PKNOX2: variants seen among roughly 807,000 people sequenced by gnomAD.
The protein encoded by PKNOX2 is homeobox protein PKNOX2.
A neutral mutation model predicts 53.1 loss-of-function variants in PKNOX2; 14 were observed. That is an observed-to-expected ratio of 0.26 (90% CI 0.17 to 0.41). The LOEUF (loss-of-function observed/expected upper bound fraction) is 0.41, where lower values mean the gene tolerates loss of function less well. Among genes scored for constraint, PKNOX2 ranks in the 10% least tolerant of loss-of-function variants. The pLI is 1.00. For missense variants in PKNOX2, 496 were observed against 602.8 expected, an observed-to-expected ratio of 0.82 and a Z score of 1.85; for synonymous variants, 257 against 242.8, an observed-to-expected ratio of 1.06 and a Z score of -0.54.
At chr11:125,356,373 TC>T (rs1240640254) in intron 4 of PKNOX2, among the ~76,000 whole-genome samples, 7 of 152,198 alleles carry the variant, frequency 4.6e-5, no homozygotes, top group Non-Finnish European at 1.0e-4. Context: ...TTTGGGAAGT[TC>T]ACCAAGGATG....
At chr11:125,429,847 TG>T in intron 11 of PKNOX2, 115 bp from the exon 12 acceptor site, 1 of 1,230,592 alleles carries the variant, frequency 8.1e-7, no homozygotes, top group Non-Finnish European at 1.1e-6. Context: ...ACATCCGGGA[TG>T]GGAACCCCGG....
chr11:125,385,503 G>T, intron 5 of PKNOX2, 48 bp from the exon 6 acceptor site: 1 of 1,533,750 alleles, frequency 6.5e-7, no homozygotes, highest in Non-Finnish European at 8.7e-7. Flanking sequence ...ACAGGTAGCA[G>T]CACGGTCTCT....
intron 1 of PKNOX2, among the ~76,000 whole-genome samples, chr11:125,220,693 G>T (rs1455194216): frequency 6.6e-6 from 1 of 152,178 alleles, no homozygotes; most frequent in African/African-American, 2.4e-5. Context: ...ATCCGGCCTT[G>T]TTCTATTTCT....
intron 6 of PKNOX2, among the ~76,000 whole-genome samples, chr11:125,393,695 G>T (rs910346708): frequency 4.6e-5 from 7 of 152,138 alleles, no homozygotes; most frequent in African/African-American, 1.7e-4. Context: ...TGGACCCCGG[G>T]GGGCTGTGCC....
At chr11:125,171,419 C>T (rs1955313829) in intron 1 of PKNOX2, among the ~76,000 whole-genome samples, 1 of 152,194 alleles carries the variant, frequency 6.6e-6, no homozygotes, top group Non-Finnish European at 1.5e-5. Context: ...TATTTAGCAT[C>T]AGGCAAAACT....
At chr11:125,261,635 A>C (rs1214711280) in intron 2 of PKNOX2, among the ~76,000 whole-genome samples, 1 of 152,168 alleles carries the variant, frequency 6.6e-6, no homozygotes, top group Non-Finnish European at 1.5e-5. Context: ...ATTGGCCAGA[A>C]GCAGGAGCAC....
chr11:125,239,695 C>T (rs893753613), intron 2 of PKNOX2: 2 of 152,234 alleles, frequency 1.3e-5, no homozygotes, highest in African/African-American at 2.4e-5. Flanking sequence ...CCACCCCGCT[C>T]GACCAGATCT....
At chr11:125,266,692 C>T (rs1945370427) in intron 2 of PKNOX2, 1 of 152,220 alleles carries the variant, frequency 6.6e-6, no homozygotes, top group South Asian at 2.1e-4. Context: ...CCATGTCCCT[C>T]TCACTCTGCG....
At chr11:125,428,941 T>C (rs1253303825) in intron 10 of PKNOX2, 71 bp from the exon 11 acceptor site, 1 of 1,497,794 alleles carries the variant, frequency 6.7e-7, no homozygotes, top group Non-Finnish European at 9.3e-7. Flanking sequence ...GCCCATGGCG[T>C]GGGCACAGTC....
At chr11:125,168,235 T>G (rs573703616) in intron 1 of PKNOX2, among the ~76,000 whole-genome samples, 1 of 152,348 alleles carries the variant, frequency 6.6e-6, no homozygotes, top group Admixed American at 6.5e-5. Context: ...CTTTTTGCTT[T>G]TTCAATCTGT....
chr11:125,267,614 C>G (rs528147664), intron 2 of PKNOX2, among the ~76,000 whole-genome samples: 2 of 152,332 alleles, frequency 1.3e-5, no homozygotes, highest in African/African-American at 4.8e-5. Flanking sequence ...AACAAACAAC[C>G]CCAAACATCT....
chr11:125,317,241 A>G (rs541429446), intron 2 of PKNOX2, among the ~76,000 whole-genome samples: 1 of 152,318 alleles, frequency 6.6e-6, no homozygotes, highest in African/African-American at 2.4e-5. Context: ...TGAACCCCTC[A>G]AAGTCATCTA....
chr11:125,303,932 T>C (rs1044502891), intron 2 of PKNOX2, among the ~76,000 whole-genome samples: 1 of 152,176 alleles, frequency 6.6e-6, no homozygotes, highest in Admixed American at 6.5e-5. Flanking sequence ...CTTCTCGGCT[T>C]CCCCCAGCTA....
At chr11:125,226,351 C>T (rs1941691815) in intron 1 of PKNOX2, among the ~76,000 whole-genome samples, 1 of 152,080 alleles carries the variant, frequency 6.6e-6, no homozygotes, top group Admixed American at 6.6e-5. Context: ...ATCTGTAAAC[C>T]TCTCCCCGGA....
intron 1 of PKNOX2, among the ~76,000 whole-genome samples, chr11:125,174,081 A>T (rs1299156272): frequency 6.6e-6 from 1 of 151,894 alleles, no homozygotes; most frequent in Non-Finnish European, 1.5e-5. Flanking sequence ...ATGTGATGTG[A>T]CCCCTCCTTC....
intron 3 of PKNOX2, among the ~76,000 whole-genome samples, chr11:125,346,546 T>A (rs1192928479): frequency 2.0e-5 from 3 of 152,218 alleles, no homozygotes; most frequent in African/African-American, 7.2e-5. Context: ...AACTGAGAAC[T>A]GAGGGGTGGC....
chr11:125,258,554 T>C (rs1159224794), intron 2 of PKNOX2: 1 of 153,882 alleles, frequency 6.5e-6, no homozygotes, highest in African/African-American at 2.4e-5. Flanking sequence ...TGCATTTTTT[T>C]CCCACTTATA....
At chr11:125,360,261 G>C (rs769848942) in intron 4 of PKNOX2, among the ~76,000 whole-genome samples, 1 of 152,044 alleles carries the variant, frequency 6.6e-6, no homozygotes, top group Non-Finnish European at 1.5e-5. Flanking sequence ...GGGTTTAATA[G>C]TCATAACAAG....
chr11:125,175,700 G>T (rs1162635471), intron 1 of PKNOX2, among the ~76,000 whole-genome samples: 1 of 152,188 alleles, frequency 6.6e-6, no homozygotes, highest in Non-Finnish European at 1.5e-5. Flanking sequence ...CAAGCAACAG[G>T]TATGGGTGTG....
Sources: allele counts gnomAD v4.1 joint callset (sites outside exome capture counted in the v4.1 genomes callset), GRCh38; gene constraint gnomAD v4.1.1; transcripts MANE v1.5; gene names NCBI Gene and HGNC (gene_info 2026-07-23, HGNC 2026-07-21).